HCN1: variants seen among roughly 807,000 people sequenced by gnomAD.
HCN1 encodes the protein potassium/sodium hyperpolarization-activated cyclic nucleotide-gated channel 1.
A neutral mutation model predicts 78.9 loss-of-function variants in HCN1; 13 were observed. The ratio of observed to expected loss-of-function variants is 0.16; its 90% CI spans 0.11 to 0.26. The LOEUF (loss-of-function observed/expected upper bound fraction) is 0.26. HCN1 is among the 10% of genes least tolerant of loss of function. The pLI is 1.00. For synonymous variants in HCN1, 552 were observed against 455.5 expected, an observed-to-expected ratio of 1.21 and a Z score of -2.70; for missense variants, 810 against 1,154.3, an observed-to-expected ratio of 0.70 and a Z score of 4.32.
chr5:45,513,015 A>G (rs1013791130), intron 2 of HCN1, among the ~76,000 whole-genome samples: 2 of 152,164 alleles, frequency 1.3e-5, no homozygotes, highest in African/African-American at 4.8e-5. Flanking sequence ...AATAATGTAC[A>G]GTTCTGGTGA....
chr5:45,665,552 A>C (rs1746026196), intron 1 of HCN1, among the ~76,000 whole-genome samples: 1 of 152,120 alleles, frequency 6.6e-6, no homozygotes, highest in African/African-American at 2.4e-5. Flanking sequence ...CAACAAAAAC[A>C]GAAAACTTGT....
At chr5:45,354,166 T>C (rs1445670857) in intron 4 of HCN1, among the ~76,000 whole-genome samples, 1 of 151,878 alleles carries the variant, frequency 6.6e-6, no homozygotes, top group Non-Finnish European at 1.5e-5. Flanking sequence ...ATTTCAAGCC[T>C]CATCCAAGAC....
At chr5:45,472,684 G>T (rs1042004635) in intron 2 of HCN1, among the ~76,000 whole-genome samples, 1 of 151,624 alleles carries the variant, frequency 6.6e-6, no homozygotes, top group South Asian at 2.1e-4. Flanking sequence ...AGAAACATTT[G>T]GTATGACTAT....
At chr5:45,621,586 G>A (rs903787207) in intron 2 of HCN1, among the ~76,000 whole-genome samples, 55 of 152,272 alleles carry the variant, frequency 3.6e-4, no homozygotes, top group African/African-American at 1.3e-3. Context: ...CCAAAAACAT[G>A]AGGATATTCA....
At chr5:45,267,719 G>A (rs1433128682) in intron 6 of HCN1, among the ~76,000 whole-genome samples, 1 of 152,120 alleles carries the variant, frequency 6.6e-6, no homozygotes, top group Non-Finnish European at 1.5e-5. Flanking sequence ...AGTGAGCCGA[G>A]ATTGTGCCAC....
chr5:45,482,929 CAT>C (rs1202043087), intron 2 of HCN1, among the ~76,000 whole-genome samples: 1 of 152,152 alleles, frequency 6.6e-6, no homozygotes, highest in Non-Finnish European at 1.5e-5. Context: ...TGCTGCAAAA[CAT>C]ATGATTTCAT....
At chr5:45,546,433 C>T (rs180713417) in intron 2 of HCN1, among the ~76,000 whole-genome samples, 4 of 151,814 alleles carry the variant, frequency 2.6e-5, no homozygotes, top group Non-Finnish European at 4.4e-5. Flanking sequence ...GTGTAATATC[C>T]AAATTCTGGA....
chr5:45,264,314 C>T (rs1744810746), intron 7 of HCN1, among the ~76,000 whole-genome samples: 1 of 152,104 alleles, frequency 6.6e-6, no homozygotes, highest in Admixed American at 6.5e-5. Flanking sequence ...ACTAGACAGT[C>T]TCTGGCATAA....
In HCN1 at chr5:45,374,023, A is replaced by G. The variant is rs1371605328; in HGVS notation, c.1231-20777T>C. 5.3e-5 allele frequency among the ~76,000 whole-genome samples: 6 copies of G among 112,960 alleles called. No homozygotes were observed. The East Asian group carries it at 1.2e-3, about 22-fold the overall frequency. 74.1% of individuals were successfully genotyped at this position (112,960 alleles called of 152,430 possible). The stretch of plus-strand genomic sequence containing the variant: ...ATATTATATACATAATATATATTAT[A>G]TATATTATATACATAATATATATTA... On this transcript the variant is annotated intron_variant, in intron 4 of 7. Coordinates refer to ENST00000303230, the MANE Select transcript of HCN1 (RefSeq NM_021072.4).
At chr5:45,334,561 C>T (rs1746415082) in intron 5 of HCN1, among the ~76,000 whole-genome samples, 1 of 151,670 alleles carries the variant, frequency 6.6e-6, no homozygotes, top group African/African-American at 2.4e-5. Flanking sequence ...CTTGTTTCTC[C>T]AAGAATATAG....
At chr5:45,342,269 T>C (rs1746599018) in intron 5 of HCN1, among the ~76,000 whole-genome samples, 1 of 151,732 alleles carries the variant, frequency 6.6e-6, no homozygotes, top group Admixed American at 6.6e-5. Context: ...AGTTTTGCTC[T>C]GTCACTGAGG....
At chr5:45,624,354 G>A (rs1745122882) in intron 2 of HCN1, among the ~76,000 whole-genome samples, 3 of 152,166 alleles carry the variant, frequency 2.0e-5, no homozygotes, top group Non-Finnish European at 2.9e-5. Flanking sequence ...GAAGTGGTCA[G>A]ACTCCAGATT....
At chr5:45,487,685 G>C (rs181225517) in intron 2 of HCN1, among the ~76,000 whole-genome samples, 2 of 152,122 alleles carry the variant, frequency 1.3e-5, no homozygotes, top group African/African-American at 4.8e-5. Context: ...GTAAGTTCAT[G>C]TTCCAATGTC....
Position 45,261,747 on chromosome 5 carries a change from T to C in HCN1, c.*174A>G. ...TGACCCTCTCTTGGGAATTTAGATATATATTTTATAGTATATGTATATATA... is the reference window on the plus strand; with the variant it reads ...TGACCCTCTCTTGGGAATTTAGATACATATTTTATAGTATATGTATATATA... On this transcript the variant is annotated 3_prime_UTR_variant, in exon 8 of 8. Coordinates refer to ENST00000303230, the MANE Select transcript of HCN1 (RefSeq NM_021072.4). The C allele has an allele frequency of 3.1e-6, 2 of 635,630 alleles. No homozygotes were observed. The highest frequency in any genetic ancestry group is 5.1e-6 in the Non-Finnish European group (2 of 388,358). The allele number at this position is 635,630 out of a possible 1,614,324, so 39.4% of individuals were successfully genotyped here.
At chr5:45,603,378 T>C (rs956728624) in intron 2 of HCN1, among the ~76,000 whole-genome samples, 2 of 152,080 alleles carry the variant, frequency 1.3e-5, no homozygotes, top group African/African-American at 4.8e-5. Flanking sequence ...AGTCATAAAA[T>C]GCTGCTATCT....
intron 5 of HCN1, among the ~76,000 whole-genome samples, chr5:45,309,835 G>T (rs1745815335): frequency 6.6e-6 from 1 of 151,878 alleles, no homozygotes; most frequent in African/African-American, 2.4e-5. Flanking sequence ...TTCTTTTTTT[G>T]TTGTTTCTTT....
chr5:45,481,198 A>C (rs1741643413), intron 2 of HCN1, among the ~76,000 whole-genome samples: 1 of 152,224 alleles, frequency 6.6e-6, no homozygotes, highest in African/African-American at 2.4e-5. Flanking sequence ...CAGAAGAATA[A>C]TTAAAGCCAT....
chr5:45,417,667 G>T (rs1377901373), intron 3 of HCN1, among the ~76,000 whole-genome samples: 2 of 142,764 alleles, frequency 1.4e-5, no homozygotes, highest in African/African-American at 5.2e-5. Context: ...TCCACAGTCA[G>T]CTATGATCAA....
At position 45,262,578 on chromosome 5, in the gene HCN1, G is replaced by A. The variant is rs760632537; in HGVS notation, c.2016C>T (p.Ser672=). The A allele has an allele frequency of 1.9e-6, 3 of 1,613,996 alleles. No individual in the cohort carries two copies. The highest frequency in any genetic ancestry group is 3.3e-5 in the Admixed American group (2 of 60,012). ...TQSPPVYTAT[S]LSHSNLHSPS... is the part of the protein sequence containing the mutation. ...GGGAGTGCAGGTTGCTGTGAGACAG[G>A]CTGGTCGCTGTGTACACCGGTGGAG... Residue 672 remains serine, a synonymous_variant, in exon 8 of 8, where the codon AGC becomes AGT. Transcript: ENST00000303230.
Sources: gnomAD v4.1 joint callset for allele counts (sites outside exome capture counted in the v4.1 genomes callset) on GRCh38, gnomAD v4.1.1 for gene constraint, MANE v1.5 for transcripts, NCBI Gene and HGNC (gene_info 2026-07-23, HGNC 2026-07-21) for gene names.